MEF2C: variants seen among roughly 807,000 people sequenced by gnomAD.
MEF2C encodes the protein myocyte enhancer factor 2C, also known as myocyte-specific enhancer factor 2C.
In MEF2C, 6 loss-of-function variants were observed where a neutral mutation model predicts 50.5. The ratio of observed to expected loss-of-function variants is 0.12; its 90% CI spans 0.07 to 0.23. The LOEUF (loss-of-function observed/expected upper bound fraction) is 0.23, where lower values mean the gene tolerates loss of function less well. Ranked by LOEUF, MEF2C falls within the 10% of genes least tolerant of loss-of-function variation. The pLI, the probability that MEF2C is intolerant of heterozygous loss-of-function variation, is 1.00. For synonymous variants in MEF2C, 183 were observed against 228.0 expected, an observed-to-expected ratio of 0.80 and a Z score of 1.78; for missense variants, 276 against 605.0, an observed-to-expected ratio of 0.46 and a Z score of 5.70.
intron 1 of MEF2C, among the ~76,000 whole-genome samples, chr5:88,891,457 G>T (rs888319323): frequency 8.2e-5 from 12 of 146,698 alleles, no homozygotes; most frequent in African/African-American, 3.1e-4. Flanking sequence ...GAGTGCAGTG[G>T]TGCGATCTTG....
At chr5:88,746,956 C>A (rs1473984416) in intron 6 of MEF2C, among the ~76,000 whole-genome samples, 1 of 152,154 alleles carries the variant, frequency 6.6e-6, no homozygotes, top group African/African-American at 2.4e-5. Flanking sequence ...TTTATTATCA[C>A]CAGGGTGGAG....
chr5:88,773,384 A>G (rs1783287062), intron 3 of MEF2C, among the ~76,000 whole-genome samples: 1 of 152,120 alleles, frequency 6.6e-6, no homozygotes, highest in Non-Finnish European at 1.5e-5. Flanking sequence ...ACCATCCCCC[A>G]TCCTCGTACA....
chr5:88,733,514 T>A, intron 6 of MEF2C: 1 of 985,324 alleles, frequency 1.0e-6, no homozygotes, highest in Non-Finnish European at 1.2e-6. Context: ...TGTGGACCAG[T>A]CTGGAGACTA....
At chr5:88,863,018 G>C (rs144805569) in intron 1 of MEF2C, among the ~76,000 whole-genome samples, 271 of 152,260 alleles carry the variant, frequency 1.8e-3, no homozygotes, top group Non-Finnish European at 7.5e-4. Flanking sequence ...ACATATGAAA[G>C]TCTGCTATGC....
intron 3 of MEF2C, among the ~76,000 whole-genome samples, chr5:88,792,214 C>T (rs1038928667): frequency 3.9e-5 from 6 of 152,100 alleles, no homozygotes; most frequent in African/African-American, 1.4e-4. Context: ...GAACTATCAT[C>T]TTTCCATTCA....
intron 4 of MEF2C, among the ~76,000 whole-genome samples, chr5:88,753,257 A>T (rs1773704570): frequency 6.6e-6 from 1 of 152,032 alleles, no homozygotes; most frequent in African/African-American, 2.4e-5. Flanking sequence ...ATGCTCCCTT[A>T]TTATTAATTT....
In MEF2C at chr5:88,851,344, A is replaced by G. The variant is rs1157997307; in HGVS notation, c.-142-27414T>C. On this transcript the variant is annotated intron_variant, in intron 1 of 10. Coordinates refer to ENST00000504921, the MANE Select transcript of MEF2C (RefSeq NM_002397.5). The stretch of plus-strand genomic sequence containing the variant: ...GGCTTCCAGTCAACAGTAGGCTACT[A>G]GTAGTTAAGCTTTTGGAGAGCCAAA... 3.3e-5 allele frequency among the ~76,000 whole-genome samples: 5 copies of G among 152,112 alleles called. No individual in the cohort carries two copies. The South Asian group carries it at 6.2e-4, about 19-fold the overall frequency.
At chr5:88,896,250 T>G (rs1043751534) in intron 1 of MEF2C, among the ~76,000 whole-genome samples, 1 of 152,254 alleles carries the variant, frequency 6.6e-6, no homozygotes, top group Non-Finnish European at 1.5e-5. Flanking sequence ...TCTCTTTTTC[T>G]ATTCCCTCTT....
At chr5:88,788,512 T>C (rs935564557) in intron 3 of MEF2C, among the ~76,000 whole-genome samples, 15 of 151,992 alleles carry the variant, frequency 9.9e-5, no homozygotes, top group Non-Finnish European at 2.1e-4. Flanking sequence ...GGCCAGCCCA[T>C]GCCAGTTATT....
intron 3 of MEF2C, among the ~76,000 whole-genome samples, chr5:88,775,496 G>A (rs562002265): frequency 1.3e-4 from 20 of 152,096 alleles, no homozygotes; most frequent in Non-Finnish European, 2.5e-4. Flanking sequence ...TTTGCAAAGT[G>A]TACTATTACT....
At chr5:88,851,233 CAAAAA>C (rs35458971) in intron 1 of MEF2C, among the ~76,000 whole-genome samples, 9 of 106,822 alleles carry the variant, frequency 8.4e-5, no homozygotes, top group Admixed American at 3.2e-4. Context: ...CTCCATCTCA[CAAAAA>C]AAAAAAAAAA....
chr5:88,840,546 C>T (rs1273587015), intron 1 of MEF2C, among the ~76,000 whole-genome samples: 3 of 152,070 alleles, frequency 2.0e-5, no homozygotes, highest in South Asian at 2.1e-4. Context: ...TAAATGTTTA[C>T]CTTTTCACTT....
rs1756166606 is a variant in MEF2C, at chr5:88,721,022, C to T, written c.*1582G>A. On this transcript the variant is annotated 3_prime_UTR_variant, in exon 11 of 11. Transcript: ENST00000504921. ...GACAAAGCAACTATCCCTTTACCTG[C>T]TTCCTTCTTGTCTAGCACCCAGTCT... 1 of 152,596 alleles carries T rather than the reference C, an allele frequency of 6.6e-6. No individual in the cohort carries two copies. Among genetic ancestry groups the T allele is most frequent in the African/African-American group, 2.4e-5 (1 of 41,446 alleles). The allele number at this position is 152,596 out of a possible 1,614,324, so 9.5% of individuals were successfully genotyped here.
chr5:88,870,942 C>T (rs561534221), intron 1 of MEF2C, among the ~76,000 whole-genome samples: 1 of 152,164 alleles, frequency 6.6e-6, no homozygotes, highest in South Asian at 2.1e-4. Context: ...GCAAATGTGA[C>T]TATTGTAAAT....
At chr5:88,852,146 A>G (rs1821586101) in intron 1 of MEF2C, among the ~76,000 whole-genome samples, 1 of 152,234 alleles carries the variant, frequency 6.6e-6, no homozygotes, top group Non-Finnish European at 1.5e-5. Flanking sequence ...TTAGAACTGT[A>G]TGTTGAACTG....
At chr5:88,741,759 A>G (rs1766935826) in intron 6 of MEF2C, 1 of 985,010 alleles carries the variant, frequency 1.0e-6, no homozygotes. Context: ...GTGGACTCTA[A>G]GGTCAAGAAA....
At chr5:88,819,671 T>C (rs1052019344) in intron 2 of MEF2C, among the ~76,000 whole-genome samples, 1 of 151,982 alleles carries the variant, frequency 6.6e-6, no homozygotes, top group Admixed American at 6.6e-5. Flanking sequence ...AGTGAAATTT[T>C]TGTTATATAT....
chr5:88,736,957 T>G (rs1185896988), intron 6 of MEF2C: 1 of 984,768 alleles, frequency 1.0e-6, no homozygotes, highest in African/African-American at 1.7e-5. Flanking sequence ...ATGATGCCTT[T>G]CAGACAACTT....
intron 2 of MEF2C, 97 bp downstream of exon 2, chr5:88,823,638 A>T: frequency 8.8e-7 from 1 of 1,140,932 alleles, no homozygotes; most frequent in Non-Finnish European, 1.2e-6. Context: ...TTCTCTTAAT[A>T]GATATTTACA....
Sources: allele counts gnomAD v4.1 joint callset (sites outside exome capture counted in the v4.1 genomes callset), GRCh38; gene constraint gnomAD v4.1.1; transcripts MANE v1.5; gene names NCBI Gene and HGNC (gene_info 2026-07-23, HGNC 2026-07-21).